Variants in CNTNAP3B observed in about 807,000 individuals in gnomAD.
CNTNAP3B encodes the protein contactin associated protein family member 3B.
Under a neutral mutation model 108.9 loss-of-function variants are expected in CNTNAP3B, and 25 were observed. That is an observed-to-expected ratio of 0.23 (90% CI 0.17 to 0.32). CNTNAP3B has a LOEUF of 0.32. CNTNAP3B is among the 10% of genes least tolerant of loss of function. The pLI, the probability that CNTNAP3B is intolerant of heterozygous loss-of-function variation, is 1.00. For synonymous variants in CNTNAP3B, 103 were observed against 473.4 expected (o/e 0.22, Z 10.16); for missense variants, 252 against 1,210.4 (o/e 0.21, Z 11.75).
chr9:41,935,413 C>T (rs1346502348), intron 14 of CNTNAP3B, among the ~76,000 whole-genome samples: 2 of 152,276 alleles, frequency 1.3e-5, no homozygotes, highest in African/African-American at 4.8e-5. Flanking sequence ...TATAAACTTT[C>T]CACCAGGAAA....
chr9:42,122,406 T>G lies in CNTNAP3B; in HGVS notation c.85+6604A>C, dbSNP rs1431174546. On this transcript the variant is annotated intron_variant, in intron 1 of 23. Transcript: ENST00000377561. ...AAACTTTCCTAACTTTTACAAATGTTTGTAAATTGTAGGTTCTGTGACAGC... is the reference window on the plus strand; with the variant it reads ...AAACTTTCCTAACTTTTACAAATGTGTGTAAATTGTAGGTTCTGTGACAGC... Among the ~76,000 whole-genome samples, 43 of 136,218 alleles carry G rather than the reference T, an allele frequency of 3.2e-4. 9 individuals are homozygous for G. Among genetic ancestry groups the G allele is most frequent in the African/African-American group, 1.3e-3 (43 of 34,342 alleles). The allele number at this position is 136,218 out of a possible 152,430, so 89.4% of individuals were successfully genotyped here.
At chr9:42,105,714 A>T (rs1397472459) in intron 1 of CNTNAP3B, among the ~76,000 whole-genome samples, 29 of 98,048 alleles carry the variant, frequency 3.0e-4, no homozygotes, top group Non-Finnish European at 2.1e-4. Flanking sequence ...TGAGTCCCGC[A>T]GTCCAATCCT....
chr9:41,972,640 T>C (rs1366939605), intron 9 of CNTNAP3B, among the ~76,000 whole-genome samples: 1 of 137,360 alleles, frequency 7.3e-6, no homozygotes, highest in Non-Finnish European at 1.6e-5. Flanking sequence ...CTTGGAAGTT[T>C]AACATTTAAC....
chr9:42,071,653 G>A (rs1370979163), intron 3 of CNTNAP3B, among the ~76,000 whole-genome samples: 1 of 136,674 alleles, frequency 7.3e-6, no homozygotes, highest in Non-Finnish European at 1.6e-5. Context: ...TGAAGCTGTG[G>A]CAATGGTCCA....
intron 4 of CNTNAP3B, among the ~76,000 whole-genome samples, chr9:42,003,189 T>TA (rs1826034858): frequency 7.2e-6 from 1 of 138,426 alleles, no homozygotes; most frequent in South Asian, 2.4e-4. Flanking sequence ...CCGCCTGGCC[T>TA]ACTTTCACAT....
At chr9:41,939,753 C>A (rs1017380358) in intron 13 of CNTNAP3B, among the ~76,000 whole-genome samples, 3 of 152,258 alleles carry the variant, frequency 2.0e-5, no homozygotes, top group Non-Finnish European at 4.4e-5. Context: ...CCCATATTCC[C>A]CATAAAGTAG....
chr9:42,127,933 C>A (rs1172266204), intron 1 of CNTNAP3B, among the ~76,000 whole-genome samples: 5 of 139,542 alleles, frequency 3.6e-5, no homozygotes, highest in Non-Finnish European at 7.7e-5. Flanking sequence ...GGTTATCCTG[C>A]AATAATCTAA....
intron 3 of CNTNAP3B, among the ~76,000 whole-genome samples, chr9:42,032,750 A>C: frequency 7.4e-6 from 1 of 135,254 alleles, no homozygotes; most frequent in Middle Eastern, 3.5e-3. Flanking sequence ...AGGTTTAAAT[A>C]ATAGACACTT....
intron 6 of CNTNAP3B, among the ~76,000 whole-genome samples, chr9:41,997,151 T>C (rs1222604608): frequency 6.8e-6 from 1 of 146,924 alleles, no homozygotes; most frequent in Admixed American, 6.8e-5. Context: ...GTTTATCTTG[T>C]TAACTTCTCA....
intron 2 of CNTNAP3B, among the ~76,000 whole-genome samples, chr9:42,088,291 G>A (rs1167028819): frequency 8.7e-6 from 1 of 115,028 alleles, no homozygotes; most frequent in African/African-American, 3.8e-5. Context: ...CACACTTTAT[G>A]CATTTAATTG....
chr9:41,974,051 G>T, intron 9 of CNTNAP3B, among the ~76,000 whole-genome samples: 1 of 116,860 alleles, frequency 8.6e-6, no homozygotes, highest in Non-Finnish European at 1.8e-5. Context: ...CACCATGTTG[G>T]CCAGGCTGGT....
intron 13 of CNTNAP3B, among the ~76,000 whole-genome samples, chr9:41,948,384 G>T (rs1164679869): frequency 4.3e-4 from 65 of 152,328 alleles, no homozygotes; most frequent in African/African-American, 1.5e-3. Context: ...ACCCTGCCGG[G>T]CCTTACTGGA....
At chr9:41,927,722 G>C (rs1823859813) in intron 15 of CNTNAP3B, among the ~76,000 whole-genome samples, 1 of 152,286 alleles carries the variant, frequency 6.6e-6, no homozygotes, top group South Asian at 2.1e-4. Context: ...GATTTTTAAG[G>C]AAAAAAAATC....
At chr9:42,042,959 G>T (rs1336260355) in intron 3 of CNTNAP3B, among the ~76,000 whole-genome samples, 1 of 148,914 alleles carries the variant, frequency 6.7e-6, no homozygotes, top group Non-Finnish European at 1.5e-5. Flanking sequence ...ATAGCCCAAA[G>T]AAAATGGGAT....
At chr9:41,956,086 A>AT (rs1455764397) in intron 12 of CNTNAP3B, among the ~76,000 whole-genome samples, 28 of 151,964 alleles carry the variant, frequency 1.8e-4, no homozygotes, top group African/African-American at 6.3e-4. Context: ...GTAAAAAAAA[A>AT]AATAATAATA....
chr9:41,939,172 T>A (rs1292040805), intron 13 of CNTNAP3B, among the ~76,000 whole-genome samples: 28 of 152,222 alleles, frequency 1.8e-4, no homozygotes, highest in Non-Finnish European at 4.0e-4. Context: ...TGACAGCACA[T>A]CACAGTAAAG....
intron 13 of CNTNAP3B, among the ~76,000 whole-genome samples, chr9:41,947,354 C>T (rs1824557802): frequency 6.6e-6 from 1 of 152,124 alleles, no homozygotes; most frequent in Admixed American, 6.5e-5. Context: ...AAATCAATAC[C>T]AGAAAGAGAA....
chr9:42,116,178 T>C (rs1828312255), intron 1 of CNTNAP3B, among the ~76,000 whole-genome samples: 1 of 135,504 alleles, frequency 7.4e-6, no homozygotes, highest in Non-Finnish European at 1.6e-5. Context: ...GAAAAAAGAG[T>C]AAAAAGAAAT....
chr9:42,113,838 T>A lies in CNTNAP3B; in HGVS notation c.86-9099A>T, dbSNP rs1187383506. Among the ~76,000 whole-genome samples, 2 of 139,644 alleles carry A rather than the reference T, an allele frequency of 1.4e-5. 1 individual carries two copies. The highest frequency in any genetic ancestry group is 5.7e-5 in the African/African-American group (2 of 35,246). The allele number at this position is 139,644 out of a possible 152,430, so 91.6% of individuals were successfully genotyped here. A position where few individuals can be genotyped will look rare whatever the true frequency, so the allele number is the denominator to read the frequency against. The stretch of plus-strand genomic sequence containing the variant: ...CTCGAAGGATAATTGCTTGAGGGGA[T>A]GGATACTCCATTTTTCTTGATGCAC... On this transcript the variant is annotated intron_variant, in intron 1 of 23. Coordinates refer to ENST00000377561, the MANE Select transcript of CNTNAP3B (RefSeq NM_001201380.3).
Sources: allele counts gnomAD v4.1 joint callset (sites outside exome capture counted in the v4.1 genomes callset), GRCh38; gene constraint gnomAD v4.1.1; transcripts MANE v1.5; gene names NCBI Gene and HGNC (gene_info 2026-07-23, HGNC 2026-07-21).